Variants in PSTPIP1 observed in about 807,000 individuals in gnomAD.
The protein encoded by PSTPIP1 is proline-serine-threonine phosphatase interacting protein 1.
PSTPIP1 carries 66 observed loss-of-function variants against 69.6 expected under a neutral mutation model. The ratio of observed to expected loss-of-function variants is 0.95; its 90% CI spans 0.78 to 1.16. The LOEUF (loss-of-function observed/expected upper bound fraction) is 1.16, where lower values mean the gene tolerates loss of function less well. Ranked by LOEUF, PSTPIP1 falls within the 50% of genes most tolerant of loss-of-function variation. PSTPIP1 has a pLI of 0.00. For synonymous variants in PSTPIP1, 266 were observed against 222.7 expected (o/e 1.19, Z -1.73); for missense variants, 603 against 557.4 (o/e 1.08, Z -0.82).
At chr15:77,016,071 C>A (rs2076046106) in intron 1 of PSTPIP1, 1 of 456,030 alleles carries the variant, frequency 2.2e-6, no homozygotes, top group African/African-American at 2.0e-5. Flanking sequence ...GGCGTCAGGG[C>A]TGGGTGTGGG....
At chr15:77,021,886 T>G (rs1219706388) in intron 3 of PSTPIP1, among the ~76,000 whole-genome samples, 1 of 151,056 alleles carries the variant, frequency 6.6e-6, no homozygotes, top group Non-Finnish European at 1.5e-5. Flanking sequence ...TCACCTCCAC[T>G]CCCCTATTGC....
chr15:77,035,700 A>G (rs2076546484), intron 13 of PSTPIP1, 102 bp from the exon 14 acceptor site: 1 of 1,483,424 alleles, frequency 6.7e-7, no homozygotes, highest in South Asian at 1.2e-5. Context: ...GGACAGCAGA[A>G]GGAAGAGGCA....
rs184279306 is a variant in PSTPIP1 at position 77,025,624 on chromosome 15, C to G, written c.354+20C>G. The stretch of plus-strand genomic sequence containing the variant: ...AAGAAGGTGAGGCAGGTGCAGGGGG[C>G]GGGGGAGCTGCTCCCCCATTGCCAG... On this transcript the variant is annotated intron_variant, in intron 5 of 14. Transcript: ENST00000558012. 1.4e-6 allele frequency: 2 copies of G among 1,406,332 alleles called. No individual in the cohort carries two copies. The highest frequency in any genetic ancestry group is 2.4e-5 in the South Asian group (2 of 81,760). 87.1% of individuals were successfully genotyped at this position (1,406,332 alleles called of 1,614,324 possible).
chr15:77,037,228 C>CCCCCAGCACTGT lies in PSTPIP1; in HGVS notation c.*58_*69dup, dbSNP rs1383487016. 39 of 1,550,506 alleles carry CCCCCAGCACTGT rather than the reference C, an allele frequency of 2.5e-5. No homozygotes were observed. The highest frequency in any genetic ancestry group is 6.8e-5 in the African/African-American group (5 of 73,394). On this transcript the variant is annotated 3_prime_UTR_variant, in exon 15 of 15. Coordinates refer to ENST00000558012, the MANE Select transcript of PSTPIP1 (RefSeq NM_003978.5). ...TGCCCTGCCAGTGGAGCCAGCAGTG[C>CCCCCAGCACTGT]CCCCAGCACTGTCCCCACCTTGCTA... is the stretch of plus-strand genomic sequence containing the variant.
chr15:77,001,343 T>A (rs1210378391), intron 1 of PSTPIP1, among the ~76,000 whole-genome samples: 1 of 152,224 alleles, frequency 6.6e-6, no homozygotes, highest in Non-Finnish European at 1.5e-5. Flanking sequence ...CCCATAGTCC[T>A]CTGGTTGGGC....
At chr15:77,019,755 G>A (rs901224750) in intron 3 of PSTPIP1, among the ~76,000 whole-genome samples, 3 of 109,800 alleles carry the variant, frequency 2.7e-5, no homozygotes, top group Admixed American at 8.7e-5. Flanking sequence ...GCTGAGGGCC[G>A]GGTGCAGGCT....
intron 1 of PSTPIP1, among the ~76,000 whole-genome samples, chr15:77,013,523 C>T (rs541591360): frequency 1.3e-5 from 2 of 152,260 alleles, no homozygotes; most frequent in Admixed American, 6.5e-5. Context: ...CTCCCTGGCA[C>T]CTGGGCAGGT....
rs2076347598 is a variant in PSTPIP1, at chr15:77,028,780, C to A, written c.516+128C>A. On this transcript the variant is annotated intron_variant, in intron 7 of 14. Transcript: ENST00000558012. ...GGATGCTGCTTAGCCCTCTCTGACC[C>A]CCAATCTCCCCATCTGTGAAATGGG... 8.8e-6 allele frequency: 7 copies of A among 796,182 alleles called. No homozygotes were observed. In the Admixed American group the frequency reaches 1.4e-4, roughly 16 times the overall value. 49.3% of individuals were successfully genotyped at this position (796,182 alleles called of 1,614,324 possible).
At chr15:77,003,511 C>CG in intron 1 of PSTPIP1, among the ~76,000 whole-genome samples, 1 of 152,222 alleles carries the variant, frequency 6.6e-6, no homozygotes, top group South Asian at 2.1e-4. Flanking sequence ...AAAAAATTAG[C>CG]GGGGCATGGT....
intron 5 of PSTPIP1, chr15:77,026,298 G>T: frequency 2.3e-6 from 1 of 434,060 alleles, no homozygotes; most frequent in Non-Finnish European, 4.6e-6. Flanking sequence ...TGTGAGGATG[G>T]GGGCTGAGCC....
In PSTPIP1 at chr15:77,027,985, CTGTG is replaced by C; in HGVS notation, c.417+72_417+75del. 7.3e-7 allele frequency: 1 copy of C among 1,364,130 alleles called. No individual in the cohort carries two copies. Among genetic ancestry groups the C allele is most frequent in the Non-Finnish European group, 1.0e-6 (1 of 979,878 alleles). 84.5% of individuals were successfully genotyped at this position (1,364,130 alleles called of 1,614,324 possible). On this transcript the variant is annotated intron_variant, in intron 6 of 14. Transcript: ENST00000558012. This position sits in a 1 kb window ranked among gnomAD's most constrained non-coding sequence, Gnocchi z 4.3. ...GCAGGTCTCAGGGTGCGATCCTGGG[CTGTG>C]GCCCCGGGCAGGGCATTTGGAACAG...
chr15:77,034,428 G>A (rs569632059), intron 12 of PSTPIP1, among the ~76,000 whole-genome samples: 70 of 151,834 alleles, frequency 4.6e-4, no homozygotes, highest in Admixed American at 3.1e-3. Context: ...CTTGGCCCTC[G>A]GCGCCTCATG....
At position 77,025,307 on chromosome 15, in the gene PSTPIP1, C is replaced by T. The variant is rs77026017; in HGVS notation, c.236C>T (p.Ser79Phe). 875 of 1,611,112 alleles carry T rather than the reference C, an allele frequency of 5.4e-4. 4 individuals are homozygous for T. In the African/African-American group the frequency reaches 0.01, roughly 19 times the overall value. Residue 79 changes from serine (S) to phenylalanine (F), a missense_variant, in exon 4 of 15, where the codon TCC becomes TTC. Ser to Phe is a radical substitution (Grantham distance 155). Coordinates refer to ENST00000558012, the MANE Select transcript of PSTPIP1 (RefSeq NM_003978.5). ...AGCTCCCTGAGGGCCTCCTTTGACT[C>T]CTTGAAGCAGCGTAAGTCCCCTACC... ...EINSLRASFD[S>F]LKQQMENVGS...
chr15:77,032,535 G>T (rs775344858), intron 11 of PSTPIP1, 141 bp downstream of exon 11: 2 of 887,412 alleles, frequency 2.3e-6, no homozygotes, highest in East Asian at 2.7e-5. Context: ...CAGGGGTTGT[G>T]GGGAGTTGGG....
intron 5 of PSTPIP1, 105 bp downstream of exon 5, chr15:77,025,709 CA>C: frequency 1.4e-6 from 1 of 737,956 alleles, no homozygotes; most frequent in Non-Finnish European, 2.1e-6. Flanking sequence ...TGGAGGGCGG[CA>C]GGGGTGGTGG....
chr15:77,033,653 C>T (rs1186942958), intron 12 of PSTPIP1, among the ~76,000 whole-genome samples: 1 of 152,118 alleles, frequency 6.6e-6, no homozygotes, highest in Non-Finnish European at 1.5e-5. Context: ...CTTCAGCCAC[C>T]CTTCAACCAA....
chr15:77,009,633 G>A lies in PSTPIP1; in HGVS notation c.37-8515G>A, dbSNP rs1396260873. The stretch of plus-strand genomic sequence containing the variant: ...TCGGCTGCCCTTCCAGGAGCCCGGT[G>A]AGCGTCAAATGCCCTGCATGAGGCT... On this transcript the variant is annotated intron_variant, in intron 1 of 14. Transcript: ENST00000558012. 4.6e-5 allele frequency among the ~76,000 whole-genome samples: 7 copies of A among 152,136 alleles called. No homozygotes were observed. In the South Asian group the frequency reaches 8.3e-4, roughly 18 times the overall value.
In PSTPIP1 at chr15:77,027,642, C is replaced by T. The variant is rs143704507; in HGVS notation, c.355-210C>T. On this transcript the variant is annotated intron_variant, in intron 5 of 14. Transcript: ENST00000558012. This position sits in a 1 kb window ranked among gnomAD's most constrained non-coding sequence, Gnocchi z 4.3. ...GCCAAGGTCTGCAGCAAGGACCTCA[C>T]GGCACACCCATGCCCTGTGATTCTC... is the stretch of plus-strand genomic sequence containing the variant. 1.8e-5 allele frequency: 11 copies of T among 627,558 alleles called. No homozygotes were observed. The East Asian group carries it at 2.8e-4, about 16-fold the overall frequency. 38.9% of individuals were successfully genotyped at this position (627,558 alleles called of 1,614,324 possible).
intron 8 of PSTPIP1, among the ~76,000 whole-genome samples, 187 bp from the exon 9 acceptor site, chr15:77,030,315 A>T (rs1410017518): frequency 6.6e-6 from 1 of 152,212 alleles, no homozygotes; most frequent in Non-Finnish European, 1.5e-5. Flanking sequence ...ACAGTTGGGG[A>T]GCAGCAGCAG....
Sources: allele counts gnomAD v4.1 joint callset (sites outside exome capture counted in the v4.1 genomes callset), GRCh38; gene constraint gnomAD v4.1.1; non-coding constraint Gnocchi (gnomAD v3.1); transcripts MANE v1.5; gene names NCBI Gene and HGNC (gene_info 2026-07-23, HGNC 2026-07-21).